The following THSD7B variants were observed in gnomAD, a reference collection of about 807,000 sequenced individuals.
THSD7B encodes thrombospondin type 1 domain containing 7B.
A neutral mutation model predicts 213.6 loss-of-function variants in THSD7B; 138 were observed. The observed-to-expected ratio is 0.65, with a 90% CI of 0.56 to 0.74. The LOEUF is 0.74. THSD7B is among the 30% of genes least tolerant of loss of function. The pLI, the probability that THSD7B is intolerant of heterozygous loss-of-function variation, is 0.00. For missense variants in THSD7B, 1,931 were observed against 1,991.5 expected, an observed-to-expected ratio of 0.97 and a Z score of 0.58; for synonymous variants, 742 against 687.0, an observed-to-expected ratio of 1.08 and a Z score of -1.25.
At chr2:137,529,141 A>C (rs962305346) in intron 15 of THSD7B, among the ~76,000 whole-genome samples, 1 of 152,018 alleles carries the variant, frequency 6.6e-6, no homozygotes, top group Non-Finnish European at 1.5e-5. Context: ...GGCACATTTC[A>C]TTTAATGAAT....
Position 137,448,017 on chromosome 2 carries a change from CT to C in THSD7B, c.2960-2827del, listed in dbSNP as rs140245571. On this transcript the variant is annotated intron_variant, in intron 14 of 27. Transcript: ENST00000409968. ...CTCATCCATTTCTTGCTATTTTTTT[CT>C]GTAAAGGAAGATGTGAGGAAGATGT... is the stretch of plus-strand genomic sequence containing the variant. Among the ~76,000 whole-genome samples, 42 of 152,096 alleles carry C rather than the reference CT, an allele frequency of 2.8e-4. 1 individual carries two copies. The East Asian group carries it at 7.8e-3, about 28-fold the overall frequency.
At chr2:136,997,289 G>A (rs1302381399) in intron 2 of THSD7B, among the ~76,000 whole-genome samples, 14 of 152,032 alleles carry the variant, frequency 9.2e-5, no homozygotes, top group Admixed American at 9.2e-4. Context: ...TACCTAAAAT[G>A]AAGTTGTTTA....
intron 10 of THSD7B, among the ~76,000 whole-genome samples, chr2:137,254,809 G>A (rs991669558): frequency 3.9e-5 from 6 of 151,960 alleles, no homozygotes; most frequent in African/African-American, 1.5e-4. Flanking sequence ...GACTATTTAA[G>A]CTCAAGGCAT....
chr2:137,618,437 G>A lies in THSD7B; in HGVS notation c.3611G>A (p.Gly1204Asp). 1 of 1,613,866 alleles carries A rather than the reference G, an allele frequency of 6.2e-7. No homozygotes were observed. Among genetic ancestry groups the A allele is most frequent in the Non-Finnish European group, 8.5e-7 (1 of 1,179,866 alleles). The part of the protein sequence containing the change: ...QLSENAPCGQ[G>D]VRTRLLSCVC... ...AGTGAAAACGCACCCTGTGGTCAAG[G>A]CGTCAGGACCCGCCTGCTAAGCTGT... Residue 1204 changes from glycine to aspartate, a missense_variant, in exon 19 of 28, where the codon GGC becomes GAC. By Grantham distance (94) the Gly-to-Asp change is moderately conservative (BLOSUM62 -1). Transcript: ENST00000409968.
intron 1 of THSD7B, among the ~76,000 whole-genome samples, chr2:136,872,541 CTTTTTCTTTTCTT>C (rs1683446990): frequency 6.6e-6 from 1 of 151,652 alleles, no homozygotes; most frequent in African/African-American, 2.4e-5. Flanking sequence ...TTTCTTTTCT[CTTTTTCTTTTCTT>C]TTCCTTTTCT....
chr2:137,235,514 C>T (rs1186002297), intron 9 of THSD7B, among the ~76,000 whole-genome samples: 4 of 152,012 alleles, frequency 2.6e-5, no homozygotes, highest in Non-Finnish European at 4.4e-5. Context: ...AAGGGCTATT[C>T]GGACAGAAAA....
At chr2:137,206,821 T>C (rs1573885775) in intron 7 of THSD7B, among the ~76,000 whole-genome samples, 1 of 152,100 alleles carries the variant, frequency 6.6e-6, no homozygotes, top group Non-Finnish European at 1.5e-5. Context: ...CTTAAATGAA[T>C]GAAAGCAGAA....
chr2:136,959,960 A>T (rs977017936), intron 2 of THSD7B, among the ~76,000 whole-genome samples: 3 of 152,196 alleles, frequency 2.0e-5, no homozygotes, highest in African/African-American at 7.2e-5. Context: ...CCGCACCTGG[A>T]TTCAGAATTA....
chr2:137,032,102 A>G (rs1413838545), intron 2 of THSD7B, among the ~76,000 whole-genome samples: 1 of 151,950 alleles, frequency 6.6e-6, no homozygotes, highest in Non-Finnish European at 1.5e-5. Flanking sequence ...CGGCCTCCCA[A>G]AATGCTGAGA....
At chr2:137,393,205 A>C (rs1451646221) in intron 12 of THSD7B, among the ~76,000 whole-genome samples, 1 of 145,884 alleles carries the variant, frequency 6.9e-6, no homozygotes, top group Non-Finnish European at 1.5e-5. Context: ...ACATGTGCAC[A>C]TTGTGCAGGT....
chr2:137,103,446 C>A (rs1688186203), intron 4 of THSD7B, among the ~76,000 whole-genome samples: 1 of 152,068 alleles, frequency 6.6e-6, no homozygotes, highest in Non-Finnish European at 1.5e-5. Flanking sequence ...GTTGTAAAGA[C>A]CATTGACACT....
chr2:136,926,076 A>C (rs1308825704), intron 2 of THSD7B, among the ~76,000 whole-genome samples: 2 of 152,120 alleles, frequency 1.3e-5, no homozygotes, highest in Non-Finnish European at 2.9e-5. Flanking sequence ...AACTTCACCA[A>C]GAAAACAACA....
At chr2:137,343,837 A>G (rs2104910744) in intron 12 of THSD7B, among the ~76,000 whole-genome samples, 1 of 151,932 alleles carries the variant, frequency 6.6e-6, no homozygotes, top group African/African-American at 2.4e-5. Flanking sequence ...TAATTTAACG[A>G]ATGCATAACT....
At position 136,810,724 on chromosome 2, in the gene THSD7B, C is replaced by T. The variant is rs560054120; in HGVS notation, c.-36+45037C>T. 8.5e-5 allele frequency among the ~76,000 whole-genome samples: 13 copies of T among 152,306 alleles called. 1 individual carries two copies. The South Asian group carries it at 2.7e-3, about 32-fold the overall frequency. ...TTATATAGTATAATTAGTTTGTATG[C>T]TCTTTTTACTTCATGTCAACATAGT... On this transcript the variant is annotated intron_variant, in intron 1 of 27. Transcript: ENST00000409968.
At chr2:136,996,516 A>C (rs1405455798) in intron 2 of THSD7B, among the ~76,000 whole-genome samples, 1 of 151,902 alleles carries the variant, frequency 6.6e-6, no homozygotes, top group East Asian at 1.9e-4. Context: ...TAATTAAAAA[A>C]AAATTATTTG....
intron 12 of THSD7B, among the ~76,000 whole-genome samples, chr2:137,330,347 C>T (rs550729362): frequency 5.9e-5 from 9 of 152,190 alleles, no homozygotes; most frequent in Non-Finnish European, 1.0e-4. Flanking sequence ...CAACTTGCAC[C>T]GTGCACCTGG....
At chr2:137,672,708 T>C (rs1476953905) in intron 27 of THSD7B, among the ~76,000 whole-genome samples, 1 of 152,224 alleles carries the variant, frequency 6.6e-6, no homozygotes, top group Non-Finnish European at 1.5e-5. Flanking sequence ...TGCTATAATA[T>C]GCCAGGTCTT....
intron 17 of THSD7B, among the ~76,000 whole-genome samples, chr2:137,588,941 A>C (rs1681804963): frequency 6.6e-6 from 1 of 151,892 alleles, no homozygotes; most frequent in African/African-American, 2.4e-5. Context: ...CACCATGCCC[A>C]GGTAATTTTT....
intron 3 of THSD7B, among the ~76,000 whole-genome samples, chr2:137,068,595 T>G (rs978440645): frequency 6.6e-6 from 1 of 152,074 alleles, no homozygotes; most frequent in Non-Finnish European, 1.5e-5. Context: ...AAAGTGACAT[T>G]TTTCGTGTGT....
Sources: allele counts gnomAD v4.1 joint callset (sites outside exome capture counted in the v4.1 genomes callset), GRCh38; gene constraint gnomAD v4.1.1; transcripts MANE v1.5; gene names NCBI Gene and HGNC (gene_info 2026-07-23, HGNC 2026-07-21).